Variants in SEMA6D observed in about 807,000 individuals in gnomAD.
The protein encoded by SEMA6D is semaphorin-6D.
A neutral mutation model predicts 106.6 loss-of-function variants in SEMA6D; 35 were observed. The ratio of observed to expected loss-of-function variants is 0.33; its 90% confidence interval spans 0.25 to 0.44. SEMA6D has a LOEUF of 0.44. Ranked by LOEUF, SEMA6D falls within the 20% of genes least tolerant of loss-of-function variation. The pLI, the probability that SEMA6D is intolerant of heterozygous loss-of-function variation, is 1.00. For missense variants in SEMA6D, 1,185 were observed against 1,345.9 expected (o/e 0.88, Z 1.87); for synonymous variants, 499 against 487.7 (o/e 1.02, Z -0.31).
At chr15:47,679,289 C>A (rs981792443) in intron 4 of SEMA6D, among the ~76,000 whole-genome samples, 1 of 152,122 alleles carries the variant, frequency 6.6e-6, no homozygotes, top group Non-Finnish European at 1.5e-5. Context: ...GAGTTAATTG[C>A]CCTCTTTGGT....
At chr15:47,207,156 AATT>A (rs1231561932) in intron 1 of SEMA6D, among the ~76,000 whole-genome samples, 1 of 152,182 alleles carries the variant, frequency 6.6e-6, no homozygotes, top group African/African-American at 2.4e-5. Context: ...GCCTTGAAAG[AATT>A]TTAAAAAGAA....
chr15:47,378,235 G>A (rs1192058225), intron 1 of SEMA6D, among the ~76,000 whole-genome samples: 2 of 152,318 alleles, frequency 1.3e-5, no homozygotes, highest in East Asian at 1.9e-4. Context: ...GGTGGCTCAC[G>A]CTTGTAATCC....
At chr15:47,332,626 C>G (rs2037385612) in intron 1 of SEMA6D, among the ~76,000 whole-genome samples, 1 of 152,162 alleles carries the variant, frequency 6.6e-6, no homozygotes, top group South Asian at 2.1e-4. Context: ...AAATCAAAAA[C>G]AACACTTCAC....
intron 1 of SEMA6D, among the ~76,000 whole-genome samples, chr15:47,187,131 G>A (rs1170699246): frequency 6.6e-6 from 1 of 152,102 alleles, no homozygotes; most frequent in East Asian, 1.9e-4. Flanking sequence ...GAAGGAAGAT[G>A]GAAAGGGGGC....
At chr15:47,759,620 C>A in intron 1 of SEMA6D, 125 bp from the exon 2 acceptor site, 1 of 603,768 alleles carries the variant, frequency 1.7e-6, no homozygotes, top group Non-Finnish European at 3.0e-6. Context: ...TGATCTACCA[C>A]TGCCAGCATT....
intron 4 of SEMA6D, among the ~76,000 whole-genome samples, chr15:47,608,746 A>G (rs375915934): frequency 1.2e-4 from 18 of 152,286 alleles, no homozygotes; most frequent in African/African-American, 4.3e-4. Context: ...CCTTCTGCCC[A>G]AAATCTGAAG....
intron 1 of SEMA6D, among the ~76,000 whole-genome samples, chr15:47,227,415 C>CTT (rs1421826106): frequency 5.1e-5 from 2 of 39,434 alleles, no homozygotes; most frequent in East Asian, 1.7e-3. Context: ...GTCTTTCTTT[C>CTT]TTTCTCTTTC....
At chr15:47,593,442 A>T (rs971687369) in intron 3 of SEMA6D, among the ~76,000 whole-genome samples, 3 of 148,394 alleles carry the variant, frequency 2.0e-5, no homozygotes, top group African/African-American at 7.4e-5. Context: ...AAAATTCTAT[A>T]CCGTCAATCC....
intron 4 of SEMA6D, among the ~76,000 whole-genome samples, chr15:47,682,979 C>T (rs2078389816): frequency 6.6e-6 from 1 of 152,156 alleles, no homozygotes; most frequent in African/African-American, 2.4e-5. Flanking sequence ...ATACAGTGAG[C>T]ACGTTCAGGT....
At chr15:47,769,254 C>T (rs970974055) in intron 18 of SEMA6D, among the ~76,000 whole-genome samples, 1 of 151,950 alleles carries the variant, frequency 6.6e-6, no homozygotes, top group Admixed American at 6.6e-5. Flanking sequence ...ATTTTCAGCC[C>T]GTAATAGGAG....
At chr15:47,452,323 A>C (rs2042218725) in intron 2 of SEMA6D, among the ~76,000 whole-genome samples, 1 of 151,488 alleles carries the variant, frequency 6.6e-6, no homozygotes, top group Non-Finnish European at 1.5e-5. Flanking sequence ...TATCAACCAA[A>C]AAAAAAAAAA....
At chr15:47,762,081 A>G (rs1049235492) in intron 7 of SEMA6D, 119 bp from the exon 8 acceptor site, 11 of 1,090,296 alleles carry the variant, frequency 1.0e-5, no homozygotes, top group Non-Finnish European at 1.5e-5. Flanking sequence ...GTGTAGCCCT[A>G]TTTGTATAGA....
At chr15:47,324,327 C>T (rs887929025) in intron 1 of SEMA6D, among the ~76,000 whole-genome samples, 1 of 152,124 alleles carries the variant, frequency 6.6e-6, no homozygotes, top group African/African-American at 2.4e-5. Flanking sequence ...TCAGTGTCTT[C>T]ATTTTTCATT....
At chr15:47,354,066 C>T (rs1173582607) in intron 1 of SEMA6D, among the ~76,000 whole-genome samples, 5 of 150,378 alleles carry the variant, frequency 3.3e-5, no homozygotes, top group Non-Finnish European at 5.9e-5. Flanking sequence ...TCTCTCTCTA[C>T]ATATATATAT....
Position 47,268,767 on chromosome 15 carries a change from T to A in SEMA6D, c.-239+84349T>A, listed in dbSNP as rs1235225201. Among the ~76,000 whole-genome samples the A allele has an allele frequency of 2.2e-4, 33 of 152,190 alleles. 1 individual carries two copies. The highest frequency in any genetic ancestry group is 2.2e-3 in the Admixed American group (33 of 15,262). On this transcript the variant is annotated intron_variant, in intron 1 of 19. Coordinates refer to the SEMA6D transcript ENST00000558014. ...TGGACTTTCTTTTCTTAATACTAAT[T>A]TTGTGGGTTGATGTTGGGGCCAGGA...
chr15:47,579,219 G>C (rs528692584), intron 3 of SEMA6D, among the ~76,000 whole-genome samples: 1 of 149,530 alleles, frequency 6.7e-6, no homozygotes, highest in African/African-American at 2.5e-5. Context: ...TCAGCTCACT[G>C]CAACCTCCAC....
chr15:47,517,230 A>G (rs1215460072), intron 3 of SEMA6D, among the ~76,000 whole-genome samples: 2 of 152,076 alleles, frequency 1.3e-5, no homozygotes, highest in Admixed American at 6.5e-5. Context: ...TGATTTTTCC[A>G]TTGTGATCAG....
At chr15:47,748,400 C>G (rs1234687661) in intron 1 of SEMA6D, among the ~76,000 whole-genome samples, 2 of 152,212 alleles carry the variant, frequency 1.3e-5, no homozygotes, top group Non-Finnish European at 2.9e-5. Flanking sequence ...TGTGCCTGAT[C>G]CTGGCAGTAA....
rs185674538 is a variant in SEMA6D at position 47,580,617 on chromosome 15, G to A, written c.-86-20248G>A. On this transcript the variant is annotated intron_variant, in intron 3 of 19. Transcript: ENST00000558014. ...TACCATGTGCAAAGAGAAGTATGTC[G>A]AAAAAAAAACCCATTCATTCATTTA... Among the ~76,000 whole-genome samples, 623 of 149,830 alleles carry A rather than the reference G, an allele frequency of 4.2e-3. 8 individuals carry two copies. Among genetic ancestry groups the A allele is most frequent in the African/African-American group, 0.014 (589 of 40,848 alleles).
Sources: gnomAD v4.1 joint callset for allele counts (sites outside exome capture counted in the v4.1 genomes callset) on GRCh38, gnomAD v4.1.1 for gene constraint, MANE v1.5 for transcripts, NCBI Gene and HGNC (gene_info 2026-07-23, HGNC 2026-07-21) for gene names.